Variants in SNX13 observed in about 807,000 individuals in gnomAD.
The protein encoded by SNX13 is sorting nexin-13.
In SNX13, 45 loss-of-function variants were observed where a neutral mutation model predicts 133.6. The ratio of observed to expected loss-of-function variants is 0.34; its 90% confidence interval spans 0.27 to 0.43. The LOEUF is 0.43. SNX13 is among the 20% of genes least tolerant of loss of function. The pLI is 1.00. For missense variants in SNX13, 1,032 were observed against 1,145.1 expected (o/e 0.90, Z 1.43); for synonymous variants, 414 against 373.9 (o/e 1.11, Z -1.24).
chr7:17,795,734 A>C (rs1783970663), intron 25 of SNX13: 1 of 151,812 alleles, frequency 6.6e-6, no homozygotes, highest in Non-Finnish European at 1.5e-5. Flanking sequence ...TTAGTGAATA[A>C]AGATTTCTTC....
intron 9 of SNX13, among the ~76,000 whole-genome samples, chr7:17,859,134 A>C (rs944763219): frequency 1.2e-4 from 18 of 152,164 alleles, no homozygotes; most frequent in African/African-American, 4.3e-4. Flanking sequence ...ATCAAAAGAC[A>C]TCACTGAACG....
At chr7:17,877,449 C>T (rs1794854897) in intron 5 of SNX13, among the ~76,000 whole-genome samples, 2 of 152,044 alleles carry the variant, frequency 1.3e-5, no homozygotes, top group Admixed American at 1.3e-4. Flanking sequence ...TATTCAAAAT[C>T]ATCCATACTG....
chr7:17,855,260 T>C (rs1791746445), intron 9 of SNX13, among the ~76,000 whole-genome samples: 1 of 152,182 alleles, frequency 6.6e-6, no homozygotes, highest in South Asian at 2.1e-4. Flanking sequence ...GCTGTCTCCA[T>C]AACACAGAAG....
intron 9 of SNX13, among the ~76,000 whole-genome samples, chr7:17,852,481 A>T (rs1270804885): frequency 6.6e-6 from 1 of 152,210 alleles, no homozygotes; most frequent in East Asian, 1.9e-4. Flanking sequence ...GGAATCTAAG[A>T]ATTGACCATA....
At chr7:17,797,719 A>G (rs963479265) in intron 24 of SNX13, among the ~76,000 whole-genome samples, 1 of 151,798 alleles carries the variant, frequency 6.6e-6, no homozygotes, top group African/African-American at 2.4e-5. Flanking sequence ...GATTCCAATG[A>G]ACAGCCAAAG....
chr7:17,887,466 A>G (rs1043605639), intron 5 of SNX13, among the ~76,000 whole-genome samples: 5 of 152,178 alleles, frequency 3.3e-5, no homozygotes, highest in Admixed American at 1.3e-4. Flanking sequence ...TCCTTCCCCA[A>G]GCTGGTACTG....
chr7:17,927,725 T>G (rs1455908683), intron 1 of SNX13, among the ~76,000 whole-genome samples: 3 of 152,212 alleles, frequency 2.0e-5, no homozygotes, highest in Non-Finnish European at 4.4e-5. Context: ...GCACTCTGTT[T>G]GGGCCACATG....
In SNX13 at chr7:17,805,255, G is replaced by GTGCGCGCGCGCA. The variant is rs772458913; in HGVS notation, c.2065-1676_2065-1675insTGCGCGCGCGCA. 5.9e-3 allele frequency among the ~76,000 whole-genome samples: 511 copies of GTGCGCGCGCGCA among 86,778 alleles called. 3 individuals carry two copies. Among genetic ancestry groups the GTGCGCGCGCGCA allele is most frequent in the Non-Finnish European group, 0.011 (383 of 35,574 alleles). The allele number at this position is 86,778 out of a possible 152,430, so 56.9% of individuals were successfully genotyped here. On this transcript the variant is annotated intron_variant, in intron 20 of 25. Coordinates refer to ENST00000428135, the MANE Select transcript of SNX13 (RefSeq NM_015132.5). ...TGTGTGTGTGTGTGTGTGTGTGCGTGCGCGCGCGCGCATGCATGCACATGT... is the reference window on the plus strand; with the variant it reads ...TGTGTGTGTGTGTGTGTGTGTGCGTGTGCGCGCGCGCACGCGCGCGCGCATGCATGCACATGT...
chr7:17,797,572 G>A (rs934736510), intron 24 of SNX13, among the ~76,000 whole-genome samples: 3 of 151,800 alleles, frequency 2.0e-5, no homozygotes, highest in African/African-American at 7.2e-5. Flanking sequence ...CCCCAGAGCA[G>A]CTGTTCTTAA....
intron 5 of SNX13, among the ~76,000 whole-genome samples, chr7:17,876,339 G>A (rs886556653): frequency 6.6e-6 from 1 of 152,186 alleles, no homozygotes; most frequent in Non-Finnish European, 1.5e-5. Context: ...CCAACACTTT[G>A]GGAGGCTGAG....
At chr7:17,829,957 C>T (rs1436535475) in intron 16 of SNX13, 53 bp downstream of exon 16, 18 of 1,289,652 alleles carry the variant, frequency 1.4e-5, no homozygotes, top group Non-Finnish European at 1.9e-5. Flanking sequence ...TAAGGCTCAG[C>T]CTTTTACATT....
At chr7:17,910,639 A>G (rs1431797222) in intron 1 of SNX13, among the ~76,000 whole-genome samples, 1 of 152,240 alleles carries the variant, frequency 6.6e-6, no homozygotes, top group Non-Finnish European at 1.5e-5. Flanking sequence ...ACTAATTACT[A>G]TAGCCAAAAG....
chr7:17,824,456 A>G (rs1427905447), intron 17 of SNX13, among the ~76,000 whole-genome samples: 1 of 152,178 alleles, frequency 6.6e-6, no homozygotes, highest in Non-Finnish European at 1.5e-5. Flanking sequence ...ACCAAAAATC[A>G]AATATGTTTA....
intron 9 of SNX13, among the ~76,000 whole-genome samples, chr7:17,857,494 T>G (rs1387513595): frequency 6.6e-6 from 1 of 152,048 alleles, no homozygotes; most frequent in Non-Finnish European, 1.5e-5. Flanking sequence ...AACAAAATAC[T>G]AGTAAACTGG....
chr7:17,797,035 G>A (rs1183903839), intron 24 of SNX13, 96 bp from the exon 25 acceptor site: 1 of 947,424 alleles, frequency 1.1e-6, no homozygotes, highest in Non-Finnish European at 1.6e-6. Flanking sequence ...AAATACAAAT[G>A]TGAACAGAAA....
At chr7:17,811,572 C>T (rs927507820) in intron 20 of SNX13, among the ~76,000 whole-genome samples, 3 of 152,146 alleles carry the variant, frequency 2.0e-5, no homozygotes, top group Non-Finnish European at 4.4e-5. Context: ...GCCATACTGC[C>T]CAAAGTAATT....
intron 1 of SNX13, among the ~76,000 whole-genome samples, chr7:17,937,371 C>T (rs1000467150): frequency 6.6e-5 from 10 of 151,530 alleles, no homozygotes; most frequent in African/African-American, 2.4e-4. Context: ...ATTTTTGGCC[C>T]GGTGCAGTGG....
At chr7:17,891,667 GT>G in intron 3 of SNX13, 32 bp from the exon 4 acceptor site, 1 of 1,475,422 alleles carries the variant, frequency 6.8e-7, no homozygotes, top group Non-Finnish European at 9.4e-7. Flanking sequence ...TTACTGAGTA[GT>G]TTTCTGATGT....
chr7:17,817,530 A>C (rs1786795180), intron 18 of SNX13, among the ~76,000 whole-genome samples: 1 of 152,250 alleles, frequency 6.6e-6, no homozygotes, highest in Non-Finnish European at 1.5e-5. Context: ...CATTAAAAGA[A>C]GGACAAATCT....
Sources: gnomAD v4.1 joint callset for allele counts (sites outside exome capture counted in the v4.1 genomes callset) on GRCh38, gnomAD v4.1.1 for gene constraint, MANE v1.5 for transcripts, NCBI Gene and HGNC (gene_info 2026-07-23, HGNC 2026-07-21) for gene names.